Variants in FAR1 observed in about 807,000 individuals in gnomAD.
The protein encoded by FAR1 is male sterility domain-containing protein 2.
In FAR1, 22 loss-of-function variants were observed where a neutral mutation model predicts 61.1. The observed-to-expected ratio is 0.36, with a 90% confidence interval of 0.26 to 0.51. The LOEUF (loss-of-function observed/expected upper bound fraction) is 0.51. Ranked by LOEUF, FAR1 falls within the 20% of genes least tolerant of loss-of-function variation. The pLI, the probability that FAR1 is intolerant of heterozygous loss-of-function variation, is 0.95. For synonymous variants in FAR1, 206 were observed against 209.7 expected (o/e 0.98, Z 0.15); for missense variants, 359 against 626.9 (o/e 0.57, Z 4.56).
chr11:13,725,797 T>C (rs932906245), intron 10 of FAR1, among the ~76,000 whole-genome samples: 4 of 152,148 alleles, frequency 2.6e-5, no homozygotes, highest in African/African-American at 9.6e-5. Flanking sequence ...TTAGTTTTTA[T>C]TTTCAGTCTG....
At chr11:13,701,040 G>T (rs2134184501) in intron 3 of FAR1, among the ~76,000 whole-genome samples, 1 of 152,032 alleles carries the variant, frequency 6.6e-6, no homozygotes, top group South Asian at 2.1e-4. Flanking sequence ...AAAAAGTTAA[G>T]ACTCTAAATG....
chr11:13,728,044 A>G (rs552511703), intron 11 of FAR1, among the ~76,000 whole-genome samples: 52 of 151,748 alleles, frequency 3.4e-4, no homozygotes, highest in African/African-American at 1.2e-3. Context: ...TCTCTACATC[A>G]TTTTTCTTAC....
chr11:13,681,086 A>C (rs1221627213), intron 1 of FAR1, among the ~76,000 whole-genome samples: 1 of 152,196 alleles, frequency 6.6e-6, no homozygotes, highest in Non-Finnish European at 1.5e-5. Context: ...TTCAGCTAAA[A>C]CCAGGTTCAG....
At chr11:13,682,231 A>G (rs1848135145) in intron 1 of FAR1, among the ~76,000 whole-genome samples, 1 of 152,262 alleles carries the variant, frequency 6.6e-6, no homozygotes. Context: ...ACAGTGTGTC[A>G]GTAACAATAG....
chr11:13,721,717 T>C lies in FAR1; in HGVS notation c.1128-13T>C, dbSNP rs371603664. The C allele has an allele frequency of 6.2e-7, 1 of 1,606,382 alleles. No homozygotes were observed. Among genetic ancestry groups the C allele is most frequent in the Non-Finnish European group, 8.5e-7 (1 of 1,177,394 alleles). The stretch of plus-strand genomic sequence containing the variant: ...TACAAAATATGAATCTGTCCATTTT[T>C]CTTACAATACAGGATGATGAAAACA... On this transcript the variant is annotated splice_polypyrimidine_tract_variant and intron_variant, in intron 9 of 11. Coordinates refer to ENST00000354817, the MANE Select transcript of FAR1 (RefSeq NM_032228.6). This position sits in a 1 kb window ranked among gnomAD's most constrained non-coding sequence, Gnocchi z 4.2.
intron 8 of FAR1, among the ~76,000 whole-genome samples, chr11:13,713,727 A>G (rs780293760): frequency 5.1e-4 from 78 of 152,068 alleles, no homozygotes; most frequent in Non-Finnish European, 8.4e-4. Context: ...TTCAATGTAG[A>G]TTTTTTATGA....
intron 2 of FAR1, 40 bp downstream of exon 2, chr11:13,694,994 C>T (rs538072123): frequency 2.4e-5 from 36 of 1,513,358 alleles, no homozygotes; most frequent in African/African-American, 1.8e-4. Flanking sequence ...AAGAAAAAAG[C>T]GTGTGCTTGT....
chr11:13,721,983 T>A lies in FAR1; in HGVS notation c.1257+124T>A, dbSNP rs1013319231. 2.2e-5 allele frequency: 16 copies of A among 734,384 alleles called. No individual in the cohort carries two copies. The highest frequency in any genetic ancestry group is 3.6e-5 in the Admixed American group (1 of 27,878). The allele number at this position is 734,384 out of a possible 1,614,324, so 45.5% of individuals were successfully genotyped here. On this transcript the variant is annotated intron_variant, in intron 10 of 11. Transcript: ENST00000354817. The surrounding 1 kb of genome is among the most constrained non-coding windows in gnomAD (Gnocchi z 4.2). ...CAAGTAAGCCATTATTTATAGTCTC[T>A]CATAAAGCTTTAGTCATAATTGTTA...
Position 13,694,785 on chromosome 11 carries a change from A to T in FAR1, c.20A>T (p.Tyr7Phe). 1 of 1,613,196 alleles carries T rather than the reference A, an allele frequency of 6.2e-7. No homozygotes were observed. The highest frequency in any genetic ancestry group is 8.5e-7 in the Non-Finnish European group (1 of 1,179,616). Residue 7 changes from tyrosine to phenylalanine, a missense_variant, in exon 2 of 12, where the codon TAC becomes TTC. This residue lies in a region of FAR1 where 344 missense variants were observed against 570.3 expected (regional missense o/e 0.60). Transcript: ENST00000354817. ...ATCAAAATGGTTTCAATCCCAGAAT[A>T]CTATGAAGGCAAGAACGTCCTCCTC... MVSIPE[Y>F]YEGKNVLLTG...
At chr11:13,708,224 C>G in intron 4 of FAR1, 145 bp downstream of exon 4, 1 of 483,884 alleles carries the variant, frequency 2.1e-6, no homozygotes, top group Non-Finnish European at 3.5e-6. Flanking sequence ...ATTAGCCAGG[C>G]ATGGTGGCAG....
rs58418636 is a variant in FAR1 at position 13,670,714 on chromosome 11, GT to G, written c.-8+1923del. Among the ~76,000 whole-genome samples, 503 of 136,550 alleles carry G rather than the reference GT, an allele frequency of 3.7e-3. 1 individual carries two copies. The highest frequency in any genetic ancestry group is 3.9e-3 in the African/African-American group (144 of 37,236). 89.6% of individuals were successfully genotyped at this position (136,550 alleles called of 152,430 possible). On this transcript the variant is annotated intron_variant, in intron 1 of 11. Coordinates refer to ENST00000354817, the MANE Select transcript of FAR1 (RefSeq NM_032228.6). ...AATTTTGTAGCTAAGTAGCTTGAGG[GT>G]TTTTTTTTTTTTTTCACTCAGGAAA...
At chr11:13,678,173 T>C (rs1195756640) in intron 1 of FAR1, among the ~76,000 whole-genome samples, 2 of 152,236 alleles carry the variant, frequency 1.3e-5, no homozygotes, top group Non-Finnish European at 2.9e-5. Flanking sequence ...ATTGAAGTTT[T>C]TGGTACATTC....
At chr11:13,704,188 G>A (rs1365364466) in intron 3 of FAR1, among the ~76,000 whole-genome samples, 1 of 152,034 alleles carries the variant, frequency 6.6e-6, no homozygotes, top group Admixed American at 6.6e-5. Context: ...AGTAAGACAG[G>A]GTCACTAGAG....
chr11:13,719,368 G>A (rs772178178), intron 9 of FAR1, among the ~76,000 whole-genome samples: 3 of 152,082 alleles, frequency 2.0e-5, no homozygotes, highest in Non-Finnish European at 2.9e-5. Flanking sequence ...TAAATACAAA[G>A]TCTTATAATT....
At chr11:13,693,340 G>C (rs1356329174) in intron 1 of FAR1, among the ~76,000 whole-genome samples, 1 of 152,112 alleles carries the variant, frequency 6.6e-6, no homozygotes, top group African/African-American at 2.4e-5. Flanking sequence ...TGTATTCTGA[G>C]CGCTATAAAT....
intron 1 of FAR1, among the ~76,000 whole-genome samples, chr11:13,691,102 A>C (rs779129774): frequency 2.6e-5 from 4 of 152,214 alleles, no homozygotes; most frequent in Admixed American, 6.5e-5. Flanking sequence ...TGGGAAGTTC[A>C]AGATCAAAAT....
At chr11:13,691,970 C>A (rs1205220401) in intron 1 of FAR1, among the ~76,000 whole-genome samples, 2 of 152,100 alleles carry the variant, frequency 1.3e-5, no homozygotes, top group African/African-American at 4.8e-5. Flanking sequence ...GAGTTCAAGA[C>A]CAGCCTGGCC....
Position 13,708,447 on chromosome 11 carries a change from G to GCGCACACACACACACA in FAR1, c.545+369_545+370insGCACACACACACACAC, listed in dbSNP as rs139902063. The stretch of plus-strand genomic sequence containing the variant: ...CCCATATACATGTGCGCGCGCGCGC[G>GCGCACACACACACACA]CACACACACACACACACACACACAC... On this transcript the variant is annotated intron_variant, in intron 4 of 11. Coordinates refer to ENST00000354817, the MANE Select transcript of FAR1 (RefSeq NM_032228.6). Among the ~76,000 whole-genome samples, 658 of 136,668 alleles carry GCGCACACACACACACA rather than the reference G, an allele frequency of 4.8e-3. 8 individuals carry two copies. The highest frequency in any genetic ancestry group is 7.7e-3 in the Middle Eastern group (2 of 260). 89.7% of individuals were successfully genotyped at this position (136,668 alleles called of 152,430 possible). A position where few individuals can be genotyped will look rare whatever the true frequency, so the allele number is the denominator to read the frequency against.
chr11:13,727,766 C>A, intron 11 of FAR1, 83 bp downstream of exon 11: 1 of 1,254,272 alleles, frequency 8.0e-7, no homozygotes, highest in African/African-American at 1.5e-5. Context: ...GGTATATTTG[C>A]TATATCTGTC....
Sources: gnomAD v4.1 joint callset for allele counts (sites outside exome capture counted in the v4.1 genomes callset) on GRCh38, gnomAD v4.1.1 for gene constraint, gnomAD v4.1.1 regional missense constraint, Gnocchi (gnomAD v3.1) non-coding constraint, MANE v1.5 for transcripts, NCBI Gene and HGNC (gene_info 2026-07-23, HGNC 2026-07-21) for gene names.